The following ZFHX3 variants were observed in gnomAD, a reference collection of about 807,000 sequenced individuals.
The protein encoded by ZFHX3 is zinc finger homeobox protein 3.
Under a neutral mutation model 279.1 loss-of-function variants are expected in ZFHX3, and 42 were observed. That is an observed-to-expected ratio of 0.15 (90% CI 0.12 to 0.19). The LOEUF is 0.19. Ranked by LOEUF, ZFHX3 falls within the 10% of genes least tolerant of loss-of-function variation. The pLI is 1.00. For missense variants in ZFHX3, 4,981 were observed against 4,754.0 expected (o/e 1.05, Z -1.40); for synonymous variants, 2,293 against 1,957.8 (o/e 1.17, Z -4.52).
intron 4 of ZFHX3, among the ~76,000 whole-genome samples, chr16:72,847,365 C>T (rs1351974896): frequency 2.0e-5 from 3 of 152,176 alleles, no homozygotes; most frequent in Non-Finnish European, 4.4e-5. Context: ...CACCACCCTG[C>T]AGTCTCAGGG....
At chr16:73,837,810 A>T (rs1961184013) in intron 1 of ZFHX3, among the ~76,000 whole-genome samples, 1 of 152,132 alleles carries the variant, frequency 6.6e-6, no homozygotes, top group African/African-American at 2.4e-5. Context: ...CTAATTTGGT[A>T]TTTTTAGTAG....
intron 1 of ZFHX3, among the ~76,000 whole-genome samples, chr16:73,750,787 T>C (rs1345380299): frequency 1.3e-5 from 2 of 152,026 alleles, no homozygotes; most frequent in Non-Finnish European, 2.9e-5. Flanking sequence ...ACTCGGAACA[T>C]TGCAGGCAAT....
chr16:73,058,586 G>A (rs1381305221), exon 1 of ZFHX3: 19 of 247,924 alleles, frequency 7.7e-5, no homozygotes, highest in Middle Eastern at 2.5e-3. Flanking sequence ...CGGCGGCGGC[G>A]GCGGGAGCTG....
chr16:73,532,421 G>A (rs541222062), intron 2 of ZFHX3, among the ~76,000 whole-genome samples: 1 of 152,252 alleles, frequency 6.6e-6, no homozygotes, highest in South Asian at 2.1e-4. Flanking sequence ...GTGGAACTGA[G>A]TCCATTAAAC....
chr16:72,855,589 G>T (rs2037735411), intron 4 of ZFHX3, among the ~76,000 whole-genome samples: 1 of 152,196 alleles, frequency 6.6e-6, no homozygotes, highest in African/African-American at 2.4e-5. Flanking sequence ...CCTCAGCAGA[G>T]GGAGGAGTGA....
At chr16:72,973,044 T>C (rs1268274210) in intron 1 of ZFHX3, among the ~76,000 whole-genome samples, 1 of 152,236 alleles carries the variant, frequency 6.6e-6, no homozygotes, top group South Asian at 2.1e-4. Flanking sequence ...TTACTGAAAT[T>C]ACGAGCTGAC....
intron 2 of ZFHX3, among the ~76,000 whole-genome samples, chr16:73,594,227 C>A (rs2052026693): frequency 6.6e-6 from 1 of 151,854 alleles, no homozygotes; most frequent in Non-Finnish European, 1.5e-5. Context: ...ATTGAGTTAT[C>A]AAATTAAATT....
intron 4 of ZFHX3, among the ~76,000 whole-genome samples, chr16:72,877,818 C>T (rs990604748): frequency 6.6e-6 from 1 of 152,206 alleles, no homozygotes; most frequent in African/African-American, 2.4e-5. Flanking sequence ...CTCAAGGTTG[C>T]TGGAGACATG....
chr16:72,896,191 G>C (rs2038895868), intron 3 of ZFHX3, among the ~76,000 whole-genome samples: 1 of 152,196 alleles, frequency 6.6e-6, no homozygotes, highest in Non-Finnish European at 1.5e-5. Context: ...GCTACGGCTG[G>C]AAACGAAGCC....
intron 4 of ZFHX3, among the ~76,000 whole-genome samples, chr16:72,839,629 C>T (rs1056388647): frequency 6.6e-6 from 1 of 151,666 alleles, no homozygotes; most frequent in African/African-American, 2.4e-5. Context: ...GATAAAGCCC[C>T]ACCCCCCCCA....
intron 3 of ZFHX3, among the ~76,000 whole-genome samples, chr16:73,341,324 G>A (rs1253309576): frequency 2.0e-5 from 3 of 152,116 alleles, no homozygotes; most frequent in Admixed American, 1.3e-4. Context: ...CTGCGTGACA[G>A]AGCAAGACTC....
intron 2 of ZFHX3, among the ~76,000 whole-genome samples, chr16:73,576,636 T>A (rs1430410621): frequency 1.3e-5 from 2 of 152,100 alleles, no homozygotes; most frequent in African/African-American, 4.8e-5. Context: ...AACATGTATG[T>A]CCCAAAGCAG....
At chr16:73,766,481 C>T (rs2053945282) in intron 1 of ZFHX3, among the ~76,000 whole-genome samples, 1 of 152,160 alleles carries the variant, frequency 6.6e-6, no homozygotes, top group Non-Finnish European at 1.5e-5. Context: ...ATCCATAGCC[C>T]ATTTCTGCTT....
rs763305652 is a variant in ZFHX3, at chr16:72,957,492, T to C, written c.2654A>G (p.Gln885Arg). The change falls in exon 2 of 10, where the codon CAG (glutamine) becomes CGG (arginine). Residue 885 changes from glutamine to arginine, a missense_variant. Coordinates refer to ENST00000268489, the MANE Select transcript of ZFHX3 (RefSeq NM_006885.4). ...LKMDSAASDA[Q>R]FMMSGFQLDP... ...CAGCTGGAATCCGCTCATCATGAAC[T>C]GGGCGTCCGAGGCAGCACTGTCCAT... 60 of 1,614,010 alleles carry C rather than the reference T, an allele frequency of 3.7e-5. No individual in the cohort carries two copies. The East Asian group carries it at 1.3e-3, about 35-fold the overall frequency.
At chr16:73,131,103 T>C (rs777819830) in intron 6 of ZFHX3, 4 of 675,386 alleles carry the variant, frequency 5.9e-6, no homozygotes, top group Non-Finnish European at 9.6e-6. Context: ...ATCTGTAAAG[T>C]GGGAGTAATA....
At chr16:73,391,115 C>T (rs1242841629) in intron 3 of ZFHX3, among the ~76,000 whole-genome samples, 1 of 152,176 alleles carries the variant, frequency 6.6e-6, no homozygotes, top group African/African-American at 2.4e-5. Flanking sequence ...ACAGCCTGCA[C>T]AAGGCCCTTA....
chr16:73,605,786 C>A (rs1003337083), intron 2 of ZFHX3, among the ~76,000 whole-genome samples: 5 of 151,766 alleles, frequency 3.3e-5, no homozygotes, highest in African/African-American at 1.2e-4. Context: ...TCGGTCTAGG[C>A]CAAGAGGTAA....
chr16:73,467,857 G>GC (rs1567492889), intron 2 of ZFHX3, among the ~76,000 whole-genome samples: 1 of 152,138 alleles, frequency 6.6e-6, no homozygotes, highest in Non-Finnish European at 1.5e-5. Flanking sequence ...GCTCCTCAGT[G>GC]CTGTCTGTCT....
chr16:73,003,219 A>G (rs1815288235), intron 1 of ZFHX3, among the ~76,000 whole-genome samples: 1 of 151,598 alleles, frequency 6.6e-6, no homozygotes, highest in Non-Finnish European at 1.5e-5. Flanking sequence ...AAAAATCTTT[A>G]TGTATAAATT....
Sources: allele counts gnomAD v4.1 joint callset (sites outside exome capture counted in the v4.1 genomes callset), GRCh38; gene constraint gnomAD v4.1.1; transcripts MANE v1.5; gene names NCBI Gene and HGNC (gene_info 2026-07-23, HGNC 2026-07-21).